PLA2G6: variants seen among roughly 807,000 people sequenced by gnomAD.
PLA2G6 encodes the protein phospholipase A2 group VI.
Under a neutral mutation model 83.8 loss-of-function variants are expected in PLA2G6, and 62 were observed. That is an observed-to-expected ratio of 0.74 (90% CI 0.60 to 0.91). The LOEUF is 0.91. Ranked by LOEUF, PLA2G6 falls within the 40% of genes least tolerant of loss-of-function variation. The probability of loss-of-function intolerance (pLI) is 0.00; values close to 1 mark genes in which losing one functional copy is unlikely to be tolerated. For missense variants in PLA2G6, 944 were observed against 1,102.0 expected, an observed-to-expected ratio of 0.86 and a Z score of 2.03; for synonymous variants, 417 against 449.8, an observed-to-expected ratio of 0.93 and a Z score of 0.92.
chr22:38,148,700 G>C, intron 2 of PLA2G6: 2 of 615,402 alleles, frequency 3.2e-6, no homozygotes, highest in South Asian at 3.9e-5. Flanking sequence ...CTAGGAATAA[G>C]GGTGAGCCAT....
At chr22:38,169,050 C>T (rs949445966) in intron 2 of PLA2G6, among the ~76,000 whole-genome samples, 168 bp downstream of exon 2, 2 of 151,960 alleles carry the variant, frequency 1.3e-5, no homozygotes, top group East Asian at 1.9e-4. Flanking sequence ...TGTGGAGTCT[C>T]GGAAGCCCTT....
intron 7 of PLA2G6, chr22:38,131,999 C>T (rs1468502031): frequency 2.6e-6 from 1 of 384,826 alleles, no homozygotes. Flanking sequence ...CCTGCAGTCC[C>T]AGCTACTTGG....
chr22:38,115,172 C>CGTGGGGACAGGCATTCCT (rs1362927456), intron 14 of PLA2G6, among the ~76,000 whole-genome samples: 2 of 152,202 alleles, frequency 1.3e-5, no homozygotes, highest in African/African-American at 2.4e-5. Context: ...ACCGGCAACC[C>CGTGGGGACAGGCATTCCT]GTGGGGACAG....
In PLA2G6 at chr22:38,122,330, C is replaced by T. The variant is rs546900347; in HGVS notation, c.1591+765G>A. Among the ~76,000 whole-genome samples, 152 of 152,248 alleles carry T rather than the reference C, an allele frequency of 1.0e-3. 1 individual carries two copies. The highest frequency in any genetic ancestry group is 3.4e-3 in the African/African-American group (141 of 41,532). On this transcript the variant is annotated intron_variant, in intron 11 of 16. Transcript: ENST00000332509. ...GGGCACCAGTCAGACATGTTGAGTC[C>T]CAGGACAATGTCCAGGGGGTTGGGG... is the stretch of plus-strand genomic sequence containing the variant.
rs375779632 is a variant in PLA2G6 at position 38,112,472 on chromosome 22, G to A, written c.2276+32C>T. On this transcript the variant is annotated intron_variant, in intron 16 of 16. Transcript: ENST00000332509. ...GGTGAGTCCGACCACGCCAGGGCAC[G>A]GGGCCAAGGGCTGGGGCGGCTGAGC... 1,147 of 1,539,368 alleles carry A rather than the reference G, an allele frequency of 7.5e-4. 1 individual carries two copies. The highest frequency in any genetic ancestry group is 9.4e-4 in the Non-Finnish European group (1,066 of 1,138,276).
chr22:38,175,006 C>G (rs941867309), intron 1 of PLA2G6, among the ~76,000 whole-genome samples: 2 of 152,132 alleles, frequency 1.3e-5, no homozygotes, highest in African/African-American at 2.4e-5. Flanking sequence ...AATCTGGTTC[C>G]TCCTCAGCTA....
intron 10 of PLA2G6, among the ~76,000 whole-genome samples, chr22:38,125,252 TTGCATGTGGGCAACACA>T (rs11570714): frequency 0.028 from 4,297 of 151,956 alleles, 116 homozygotes; most frequent in Admixed American, 0.11. Context: ...GTCCATGTGT[TTGCATGTGGGCAACACA>T]TGCATGTGGG....
At chr22:38,170,225 T>C (rs2145933605) in intron 1 of PLA2G6, among the ~76,000 whole-genome samples, 1 of 147,948 alleles carries the variant, frequency 6.8e-6, no homozygotes, top group Admixed American at 6.8e-5. Context: ...GAGGCCAGCA[T>C]GGATCATTTC....
At chr22:38,144,785 G>A (rs1858538744) in intron 3 of PLA2G6, 2 of 162,258 alleles carry the variant, frequency 1.2e-5, no homozygotes, top group Non-Finnish European at 2.6e-5. Context: ...TCCAGCCTGG[G>A]TGACAGAATA....
intron 10 of PLA2G6, among the ~76,000 whole-genome samples, chr22:38,125,106 G>T (rs1450567251): frequency 6.7e-6 from 1 of 150,206 alleles, no homozygotes; most frequent in Non-Finnish European, 1.5e-5. Flanking sequence ...CCCTGCACAG[G>T]TGTGTGTATG....
Position 38,112,779 on chromosome 22 carries a change from G to A in PLA2G6, c.2203-202C>T, listed in dbSNP as rs1215572613. 15 of 628,576 alleles carry A rather than the reference G, an allele frequency of 2.4e-5. No individual in the cohort carries two copies. In the Admixed American group the frequency reaches 3.7e-4, roughly 15 times the overall value. The allele number at this position is 628,576 out of a possible 1,614,324, so 38.9% of individuals were successfully genotyped here. A position where few individuals can be genotyped will look rare whatever the true frequency, so the allele number is the denominator to read the frequency against. ...GACTGTCCCAGCTGTGCAATCAGAG[G>A]GGCAGAGGTCTCAGCAGTGCCCTTT... On this transcript the variant is annotated intron_variant, in intron 15 of 16. Transcript: ENST00000332509.
chr22:38,137,065 A>T (rs1222929212), intron 5 of PLA2G6: 1 of 152,198 alleles, frequency 6.6e-6, no homozygotes, highest in African/African-American at 2.4e-5. Context: ...AATAAAATAC[A>T]TCAGCTCTCT....
At chr22:38,178,235 T>C (rs112248237) in intron 1 of PLA2G6, among the ~76,000 whole-genome samples, 16 of 152,176 alleles carry the variant, frequency 1.1e-4, no homozygotes, top group African/African-American at 2.9e-4. Context: ...CTGAGATGGA[T>C]TGTGGCAGGC....
intron 12 of PLA2G6, among the ~76,000 whole-genome samples, chr22:38,119,709 C>T (rs996285533): frequency 1.3e-5 from 2 of 151,910 alleles, no homozygotes; most frequent in African/African-American, 4.8e-5. Flanking sequence ...GGCACTCAGG[C>T]GGCTGAGATG....
chr22:38,164,705 C>T (rs557040119), intron 2 of PLA2G6, among the ~76,000 whole-genome samples: 6 of 152,362 alleles, frequency 3.9e-5, no homozygotes, highest in Admixed American at 1.3e-4. Flanking sequence ...ACAACAGAAA[C>T]TCCTCCACCT....
chr22:38,145,673 G>A lies in PLA2G6; in HGVS notation c.210-20C>T, dbSNP rs1286887911. Reference sequence around the variant, plus strand: ...AAGAGTCTGTAGAGCCAGGACAGAGGAGCAAGACCCGAAATGAGTAAGGCG... The same window carrying A: ...AAGAGTCTGTAGAGCCAGGACAGAGAAGCAAGACCCGAAATGAGTAAGGCG... On this transcript the variant is annotated intron_variant, in intron 2 of 16. Coordinates refer to ENST00000332509, the MANE Select transcript of PLA2G6 (RefSeq NM_003560.4). 1 of 1,564,052 alleles carries A rather than the reference G, an allele frequency of 6.4e-7. No individual in the cohort carries two copies. The highest frequency in any genetic ancestry group is 8.8e-7 in the Non-Finnish European group (1 of 1,138,984).
At chr22:38,133,958 G>A (rs1170792474) in intron 6 of PLA2G6, 1 of 152,282 alleles carries the variant, frequency 6.6e-6, no homozygotes, top group Non-Finnish European at 1.5e-5. Context: ...GGGTGTGTCT[G>A]AGAGGGTGCT....
chr22:38,140,303 T>C (rs1006694464), intron 4 of PLA2G6, 134 bp from the exon 5 acceptor site: 8 of 750,892 alleles, frequency 1.1e-5, no homozygotes, highest in Non-Finnish European at 1.6e-5. Context: ...AGGTCAAGAG[T>C]TTGAGACCAG....
chr22:38,163,668 CAGA>C (rs2145906764), intron 2 of PLA2G6: 1 of 169,628 alleles, frequency 5.9e-6, no homozygotes, highest in Non-Finnish European at 1.5e-5. Context: ...GCATTCTTAG[CAGA>C]AGGAGAAGCA....
Sources: gnomAD v4.1 joint callset for allele counts (sites outside exome capture counted in the v4.1 genomes callset) on GRCh38, gnomAD v4.1.1 for gene constraint, MANE v1.5 for transcripts, NCBI Gene and HGNC (gene_info 2026-07-23, HGNC 2026-07-21) for gene names.